The following ARHGAP12 variants were observed in gnomAD, a reference collection of about 807,000 sequenced individuals.
ARHGAP12 encodes the protein Rho GTPase activating protein 12.
Under a neutral mutation model 108.6 loss-of-function variants are expected in ARHGAP12, and 64 were observed. That is an observed-to-expected ratio of 0.59 (90% CI 0.48 to 0.73). The LOEUF (loss-of-function observed/expected upper bound fraction) is 0.73. Ranked by LOEUF, ARHGAP12 falls within the 30% of genes least tolerant of loss-of-function variation. ARHGAP12 has a pLI of 0.00. For missense variants in ARHGAP12, 940 were observed against 1,005.9 expected (o/e 0.93, Z 0.89); for synonymous variants, 312 against 337.2 (o/e 0.93, Z 0.82).
intron 1 of ARHGAP12, among the ~76,000 whole-genome samples, chr10:31,926,071 C>T (rs886612343): frequency 1.3e-5 from 2 of 152,068 alleles, no homozygotes; most frequent in East Asian, 1.9e-4. Context: ...TGTGGTCTGG[C>T]AGAACAGCAT....
At chr10:31,920,444 C>A (rs1440638177) in intron 1 of ARHGAP12, among the ~76,000 whole-genome samples, 4 of 83,788 alleles carry the variant, frequency 4.8e-5, no homozygotes, top group Middle Eastern at 0.013. Context: ...AGTGAGACTC[C>A]GTCTCAAAAA....
At chr10:31,827,563 G>A (rs1166234284) in intron 10 of ARHGAP12, among the ~76,000 whole-genome samples, 2 of 152,106 alleles carry the variant, frequency 1.3e-5, no homozygotes, top group Non-Finnish European at 2.9e-5. Context: ...AGGCCGAGAC[G>A]GGTGGATCAT....
At chr10:31,828,799 A>T (rs1359307601) in intron 10 of ARHGAP12, among the ~76,000 whole-genome samples, 4 of 152,180 alleles carry the variant, frequency 2.6e-5, no homozygotes, top group Non-Finnish European at 5.9e-5. Context: ...TATCTTAAAA[A>T]TAAATGAAGT....
At chr10:31,912,447 T>C (rs1353496551) in intron 1 of ARHGAP12, among the ~76,000 whole-genome samples, 1 of 152,180 alleles carries the variant, frequency 6.6e-6, no homozygotes, top group African/African-American at 2.4e-5. Flanking sequence ...CCACATTCAA[T>C]CTCTTTCACT....
At chr10:31,921,960 C>T (rs1839833169) in intron 1 of ARHGAP12, among the ~76,000 whole-genome samples, 1 of 151,514 alleles carries the variant, frequency 6.6e-6, no homozygotes, top group Admixed American at 6.6e-5. Context: ...GAAGCCAAGG[C>T]AGGCAGATCA....
intron 1 of ARHGAP12, among the ~76,000 whole-genome samples, chr10:31,916,059 G>A (rs1839543479): frequency 6.6e-6 from 1 of 152,054 alleles, no homozygotes; most frequent in Non-Finnish European, 1.5e-5. Context: ...AAAGTATTTT[G>A]GTTAAAAGTT....
At chr10:31,887,314 T>C (rs1174351044) in intron 3 of ARHGAP12, among the ~76,000 whole-genome samples, 1 of 152,156 alleles carries the variant, frequency 6.6e-6, no homozygotes, top group Non-Finnish European at 1.5e-5. Flanking sequence ...TAATCTGCTT[T>C]ACTCAAAGCC....
At chr10:31,892,207 G>C (rs1838473446) in intron 3 of ARHGAP12, among the ~76,000 whole-genome samples, 2 of 152,162 alleles carry the variant, frequency 1.3e-5, no homozygotes, top group South Asian at 4.2e-4. Flanking sequence ...ATCAACTAAC[G>C]AGCAAAATAA....
At chr10:31,822,651 C>A (rs377669707) in intron 11 of ARHGAP12, among the ~76,000 whole-genome samples, 1 of 152,134 alleles carries the variant, frequency 6.6e-6, no homozygotes, top group Non-Finnish European at 1.5e-5. Context: ...AGGCCCTTTA[C>A]GATCTTGATT....
At chr10:31,916,174 A>T (rs958575926) in intron 1 of ARHGAP12, among the ~76,000 whole-genome samples, 2 of 152,034 alleles carry the variant, frequency 1.3e-5, no homozygotes, top group Non-Finnish European at 2.9e-5. Flanking sequence ...CATCCCAAAC[A>T]CTTACAACTA....
chr10:31,912,154 A>G (rs1412842298), intron 1 of ARHGAP12, among the ~76,000 whole-genome samples: 1 of 152,192 alleles, frequency 6.6e-6, no homozygotes, highest in African/African-American at 2.4e-5. Context: ...AATTTTTCAC[A>G]ACTTTTCAAA....
chr10:31,859,303 G>T (rs1409842339), intron 4 of ARHGAP12, among the ~76,000 whole-genome samples: 1 of 152,172 alleles, frequency 6.6e-6, no homozygotes, highest in Non-Finnish European at 1.5e-5. Context: ...AGTCCAAAAG[G>T]AAAGACCTAA....
chr10:31,808,987 T>C lies in ARHGAP12; in HGVS notation c.2263+7A>G. The C allele has an allele frequency of 6.4e-7, 1 of 1,570,656 alleles. No homozygotes were observed. Among genetic ancestry groups the C allele is most frequent in the East Asian group, 2.2e-5 (1 of 44,556 alleles). ...CTAGAAAAAACTGAGTAGAATTACA[T>C]ACTTACTAATTGCATTAACAAAATC... is the stretch of plus-strand genomic sequence containing the variant. On this transcript the variant is annotated splice_region_variant and intron_variant, in intron 18 of 19. Transcript: ENST00000344936.
chr10:31,909,823 G>A (rs945899195), intron 2 of ARHGAP12, among the ~76,000 whole-genome samples: 1 of 152,162 alleles, frequency 6.6e-6, no homozygotes, highest in African/African-American at 2.4e-5. Context: ...TTGAGCCCAG[G>A]AGGCTGAAGT....
intron 3 of ARHGAP12, among the ~76,000 whole-genome samples, chr10:31,866,719 G>T (rs571986450): frequency 8.5e-5 from 13 of 152,080 alleles, no homozygotes; most frequent in African/African-American, 3.1e-4. Context: ...TGTTTCAAGC[G>T]ATTCTCCTGC....
At chr10:31,840,240 T>C (rs2132230138) in intron 7 of ARHGAP12, among the ~76,000 whole-genome samples, 1 of 151,944 alleles carries the variant, frequency 6.6e-6, no homozygotes, top group East Asian at 1.9e-4. Flanking sequence ...AAATTAGAAA[T>C]AAGATATTTT....
intron 10 of ARHGAP12, among the ~76,000 whole-genome samples, chr10:31,830,822 TA>T (rs1414707023): frequency 6.6e-6 from 1 of 152,174 alleles, no homozygotes; most frequent in Non-Finnish European, 1.5e-5. Context: ...TGTAACCTAT[TA>T]AAAAGGAATG....
intron 3 of ARHGAP12, among the ~76,000 whole-genome samples, chr10:31,873,958 A>T (rs962296450): frequency 1.2e-4 from 19 of 152,320 alleles, no homozygotes; most frequent in Admixed American, 1.1e-3. Context: ...CCATTATTAT[A>T]AATCTCCCTC....
chr10:31,913,935 A>G (rs1159566819), intron 1 of ARHGAP12, among the ~76,000 whole-genome samples: 5 of 152,184 alleles, frequency 3.3e-5, no homozygotes, highest in Non-Finnish European at 7.3e-5. Flanking sequence ...CCTTCTTGGT[A>G]TAGCACGGGG....
Sources: allele counts gnomAD v4.1 joint callset (sites outside exome capture counted in the v4.1 genomes callset), GRCh38; gene constraint gnomAD v4.1.1; transcripts MANE v1.5; gene names NCBI Gene and HGNC (gene_info 2026-07-23, HGNC 2026-07-21).